Variants in ARL15 observed in about 807,000 individuals in gnomAD.
ARL15 encodes ARF like GTPase 15, also known as ADP-ribosylation factor-like protein 15.
In ARL15, 19 loss-of-function variants were observed where a neutral mutation model predicts 25.2. The observed-to-expected ratio is 0.75, with a 90% CI of 0.53 to 1.10. The LOEUF is 1.10. Among genes scored for constraint, ARL15 ranks in the 50% least tolerant of loss-of-function variants. The pLI, the probability that ARL15 is intolerant of heterozygous loss-of-function variation, is 0.00. For missense variants in ARL15, 220 were observed against 246.0 expected (o/e 0.89, Z 0.71); for synonymous variants, 94 against 86.8 (o/e 1.08, Z -0.46).
At chr5:54,243,364 C>T (rs1049043936) in intron 1 of ARL15, among the ~76,000 whole-genome samples, 5 of 152,162 alleles carry the variant, frequency 3.3e-5, no homozygotes, top group African/African-American at 1.2e-4. Flanking sequence ...CATATTCAAG[C>T]TGACAAGCTG....
At chr5:53,950,856 G>A (rs888931637) in intron 4 of ARL15, among the ~76,000 whole-genome samples, 1 of 152,182 alleles carries the variant, frequency 6.6e-6, no homozygotes. Context: ...GTGAAAGTAA[G>A]TGGCAATTAA....
chr5:54,109,997 C>A (rs972427913), intron 4 of ARL15, among the ~76,000 whole-genome samples: 1 of 151,748 alleles, frequency 6.6e-6, no homozygotes, highest in Non-Finnish European at 1.5e-5. Flanking sequence ...GACATAAAAT[C>A]TTAAAATTCT....
intron 4 of ARL15, among the ~76,000 whole-genome samples, chr5:54,080,093 TG>T (rs1483708277): frequency 6.6e-6 from 1 of 152,150 alleles, no homozygotes; most frequent in East Asian, 1.9e-4. Context: ...GCACTTTCTA[TG>T]AACAAGGCCC....
intron 2 of ARL15, among the ~76,000 whole-genome samples, chr5:54,155,973 T>A (rs1324780976): frequency 6.6e-6 from 1 of 152,188 alleles, no homozygotes; most frequent in African/African-American, 2.4e-5. Context: ...AATTTTAAGA[T>A]TAAAAAAGTT....
intron 4 of ARL15, among the ~76,000 whole-genome samples, chr5:54,037,676 T>C (rs567296487): frequency 6.6e-6 from 1 of 152,228 alleles, no homozygotes; most frequent in South Asian, 2.1e-4. Flanking sequence ...TCAGGGATGA[T>C]TACGGTATTT....
At chr5:53,976,800 G>GT (rs1747941350) in intron 4 of ARL15, among the ~76,000 whole-genome samples, 2 of 152,080 alleles carry the variant, frequency 1.3e-5, no homozygotes, top group Non-Finnish European at 2.9e-5. Context: ...GGAGCTGGCA[G>GT]TATGTGAGTA....
At chr5:54,126,793 C>T (rs1229074114) in intron 3 of ARL15, among the ~76,000 whole-genome samples, 1 of 152,164 alleles carries the variant, frequency 6.6e-6, no homozygotes, top group Non-Finnish European at 1.5e-5. Context: ...GCCTCCAGAT[C>T]TTGAGCTAAT....
chr5:54,260,040 G>C (rs993835405), intron 1 of ARL15, among the ~76,000 whole-genome samples: 1 of 152,156 alleles, frequency 6.6e-6, no homozygotes, highest in Non-Finnish European at 1.5e-5. Context: ...GAATGTGTTA[G>C]AATTCAAGAG....
Position 53,920,603 on chromosome 5 carries a change from T to C in ARL15, c.463-33890A>G, listed in dbSNP as rs190650388. On this transcript the variant is annotated intron_variant, in intron 4 of 4. Coordinates refer to ENST00000504924, the MANE Select transcript of ARL15 (RefSeq NM_019087.3). ...GGGAGGATCACTTGAGCCCAGGAGT[T>C]TGAGACAAGCCTGGGCAACATAGTG... Among the ~76,000 whole-genome samples the C allele has an allele frequency of 2.5e-3, 374 of 151,606 alleles. 1 individual carries two copies. Among genetic ancestry groups the C allele is most frequent in the Non-Finnish European group, 4.5e-3 (306 of 67,920 alleles).
chr5:53,910,870 C>A (rs1186961995), intron 4 of ARL15, among the ~76,000 whole-genome samples: 1 of 151,538 alleles, frequency 6.6e-6, no homozygotes, highest in Non-Finnish European at 1.5e-5. Context: ...TAGGGTTGAG[C>A]ATTATTATAG....
chr5:54,168,827 A>G (rs1194911247), intron 2 of ARL15, among the ~76,000 whole-genome samples: 1 of 152,142 alleles, frequency 6.6e-6, no homozygotes, highest in Non-Finnish European at 1.5e-5. Flanking sequence ...TAACTTTCAT[A>G]TTTACACCAT....
intron 4 of ARL15, among the ~76,000 whole-genome samples, chr5:53,959,183 A>G (rs1284323004): frequency 6.6e-6 from 1 of 152,186 alleles, no homozygotes; most frequent in Admixed American, 6.5e-5. Flanking sequence ...AATAAATTTA[A>G]AGTATGGTAA....
chr5:54,159,112 T>C (rs1412335325), intron 2 of ARL15, among the ~76,000 whole-genome samples: 1 of 152,170 alleles, frequency 6.6e-6, no homozygotes, highest in Non-Finnish European at 1.5e-5. Flanking sequence ...AACCCACTAA[T>C]TCATTGTCCT....
chr5:53,986,355 A>C (rs541889126), intron 4 of ARL15, among the ~76,000 whole-genome samples: 1 of 152,346 alleles, frequency 6.6e-6, no homozygotes, highest in South Asian at 2.1e-4. Context: ...TGGGAGAAAT[A>C]ATTTATTTTT....
At chr5:54,179,398 G>A (rs1159849972) in intron 1 of ARL15, among the ~76,000 whole-genome samples, 1 of 152,054 alleles carries the variant, frequency 6.6e-6, no homozygotes, top group Non-Finnish European at 1.5e-5. Context: ...CTTTGTAACT[G>A]AAGAGAAAAA....
At chr5:54,122,512 C>G (rs1273205709) in intron 3 of ARL15, among the ~76,000 whole-genome samples, 2 of 152,242 alleles carry the variant, frequency 1.3e-5, no homozygotes, top group Admixed American at 1.3e-4. Context: ...CATACACATA[C>G]ATATAAAGCT....
At chr5:53,938,231 C>T (rs1319488337) in intron 4 of ARL15, among the ~76,000 whole-genome samples, 1 of 134,444 alleles carries the variant, frequency 7.4e-6, no homozygotes, top group Non-Finnish European at 1.6e-5. Context: ...CCATATTTCT[C>T]CTTGGTTAAC....
At chr5:53,914,160 C>A (rs1422481772) in intron 4 of ARL15, among the ~76,000 whole-genome samples, 1 of 151,820 alleles carries the variant, frequency 6.6e-6, no homozygotes, top group Non-Finnish European at 1.5e-5. Context: ...CTCACACACA[C>A]ACACACTTTA....
At chr5:53,961,451 T>C (rs1015944811) in intron 4 of ARL15, among the ~76,000 whole-genome samples, 3 of 131,694 alleles carry the variant, frequency 2.3e-5, no homozygotes, top group African/African-American at 8.9e-5. Context: ...TGAGCCAAGG[T>C]AGTACTATCG....
Sources: allele counts gnomAD v4.1 joint callset (sites outside exome capture counted in the v4.1 genomes callset), GRCh38; gene constraint gnomAD v4.1.1; transcripts MANE v1.5; gene names NCBI Gene and HGNC (gene_info 2026-07-23, HGNC 2026-07-21).